Variants in ABCC1 observed in about 807,000 individuals in gnomAD.
ABCC1 encodes the protein ATP binding cassette subfamily C member 1 (ABCC1 blood group).
Under a neutral mutation model 172.9 loss-of-function variants are expected in ABCC1, and 83 were observed. The ratio of observed to expected loss-of-function variants is 0.48; its 90% CI spans 0.40 to 0.58. The LOEUF is 0.58. ABCC1 is among the 20% of genes least tolerant of loss of function. The pLI is 0.00. For missense variants in ABCC1, 1,817 were observed against 2,002.7 expected (o/e 0.91, Z 1.77); for synonymous variants, 937 against 825.2 (o/e 1.14, Z -2.32).
At chr16:15,976,497 GCAGT>G (rs2046494494) in intron 1 of ABCC1, among the ~76,000 whole-genome samples, 1 of 152,078 alleles carries the variant, frequency 6.6e-6, no homozygotes, top group African/African-American at 2.4e-5. Flanking sequence ...TGAAACCCAG[GCAGT>G]CTGTCTCCAG....
At chr16:16,106,249 A>G (rs2052095014) in intron 20 of ABCC1, among the ~76,000 whole-genome samples, 1 of 152,082 alleles carries the variant, frequency 6.6e-6, no homozygotes, top group African/African-American at 2.4e-5. Context: ...TGCCCACCAC[A>G]TTTGTAAAAC....
At chr16:16,076,517 C>A (rs1026646571) in intron 15 of ABCC1, 116 bp downstream of exon 15, 4 of 1,031,364 alleles carry the variant, frequency 3.9e-6, no homozygotes, top group African/African-American at 3.3e-5. Flanking sequence ...ACTCACTTTG[C>A]CTTTCTAAGA....
intron 1 of ABCC1, among the ~76,000 whole-genome samples, chr16:15,962,098 C>T (rs777649988): frequency 6.6e-6 from 1 of 152,160 alleles, no homozygotes; most frequent in African/African-American, 2.4e-5. Context: ...CCTGCCATAT[C>T]AGAAAAATTG....
intron 1 of ABCC1, among the ~76,000 whole-genome samples, chr16:15,979,771 A>C (rs1465904259): frequency 6.6e-6 from 1 of 152,102 alleles, no homozygotes. Flanking sequence ...AAGTGACTGT[A>C]GTCAACATTA....
chr16:16,001,896 A>G (rs926409918), intron 1 of ABCC1, among the ~76,000 whole-genome samples: 1 of 152,018 alleles, frequency 6.6e-6, no homozygotes, highest in African/African-American at 2.4e-5. Context: ...AAGTTTATAT[A>G]TATGTGAGAC....
intron 19 of ABCC1, among the ~76,000 whole-genome samples, chr16:16,098,448 G>A (rs991488278): frequency 6.6e-6 from 1 of 152,186 alleles, no homozygotes; most frequent in African/African-American, 2.4e-5. Context: ...GCAAAACCCC[G>A]TCTCTACTAA....
chr16:16,092,045 C>G (rs1002875392), intron 19 of ABCC1, among the ~76,000 whole-genome samples: 1 of 152,160 alleles, frequency 6.6e-6, no homozygotes, highest in African/African-American at 2.4e-5. Context: ...GGAGACCAGC[C>G]TGGCCAACAT....
intron 3 of ABCC1, among the ~76,000 whole-genome samples, chr16:16,011,655 T>G (rs1472193202): frequency 6.6e-6 from 1 of 151,876 alleles, no homozygotes; most frequent in Non-Finnish European, 1.5e-5. Context: ...CTACATTTAT[T>G]TTTTATTTAT....
chr16:16,005,852 G>T (rs951094781), intron 1 of ABCC1, among the ~76,000 whole-genome samples: 1 of 152,054 alleles, frequency 6.6e-6, no homozygotes. Flanking sequence ...TATTTAGGAG[G>T]TTGAGGCAGG....
At chr16:15,999,835 TC>T (rs1420296281) in intron 1 of ABCC1, among the ~76,000 whole-genome samples, 13 of 46,630 alleles carry the variant, frequency 2.8e-4, no homozygotes, top group African/African-American at 6.7e-4. Flanking sequence ...TCTCTCTCTG[TC>T]TCTTTCTTTC....
At chr16:16,062,406 G>T (rs2049956366) in intron 12 of ABCC1, among the ~76,000 whole-genome samples, 1 of 152,008 alleles carries the variant, frequency 6.6e-6, no homozygotes, top group Non-Finnish European at 1.5e-5. Flanking sequence ...GAGTACAGTG[G>T]CTTGATCACA....
intron 19 of ABCC1, among the ~76,000 whole-genome samples, chr16:16,100,902 G>C (rs1038889910): frequency 6.6e-6 from 1 of 152,198 alleles, no homozygotes; most frequent in African/African-American, 2.4e-5. Flanking sequence ...ACATATCACA[G>C]TTCCTGGAGC....
chr16:16,105,289 C>G (rs571940669), intron 20 of ABCC1: 1 of 152,318 alleles, frequency 6.6e-6, no homozygotes, highest in Non-Finnish European at 1.5e-5. Context: ...GTGTGAAGTC[C>G]TAGGTCATGA....
upstream of ABCC1, chr16:15,949,611 G>GCGCCGCCGCCGCAGCCGCCGC: frequency 6.1e-6 from 1 of 162,752 alleles, no homozygotes; most frequent in South Asian, 1.8e-4. Context: ...CCGGCTCCCT[G>GCGCCGCCGCCGCAGCCGCCGC]CGCCGCCGCC....
rs1023310563 is a variant in ABCC1, at chr16:16,086,824, G to A, written c.2293G>A (p.Gly765Ser). The change falls in exon 18 of 31, where the codon GGC becomes AGC. Residue 765 changes from glycine to serine, a missense_variant and splice_region_variant. Around this residue, in one of 3 missense-constraint regions of ABCC1, gnomAD observed 1,412 missense variants for 1,600.3 expected, o/e 0.88. Transcript: ENST00000399410. ...CACTCCTGTGTGTGTCTCTCCCCAGGGCGTGAACCTGTCTGGGGGCCAGAA... is the reference window on the plus strand; with the variant it reads ...CACTCCTGTGTGTGTCTCTCCCCAGAGCGTGAACCTGTCTGGGGGCCAGAA... ...SGDRTEIGEK[G>S]VNLSGGQKQR... The A allele has an allele frequency of 6.2e-7, 1 of 1,613,524 alleles. No individual in the cohort carries two copies. Among genetic ancestry groups the A allele is most frequent in the Non-Finnish European group, 8.5e-7 (1 of 1,179,972 alleles).
chr16:16,117,430 A>G (rs1413062134), intron 23 of ABCC1, among the ~76,000 whole-genome samples: 3 of 152,138 alleles, frequency 2.0e-5, no homozygotes, highest in Non-Finnish European at 4.4e-5. Context: ...GGGAACTACA[A>G]TTCAAGATGA....
chr16:15,987,386 G>A (rs1440468759), intron 1 of ABCC1, among the ~76,000 whole-genome samples: 1 of 152,186 alleles, frequency 6.6e-6, no homozygotes, highest in East Asian at 1.9e-4. Context: ...TGCCTGACGA[G>A]GGGTGTGTTG....
At chr16:15,963,045 A>G (rs28844882) in intron 1 of ABCC1, among the ~76,000 whole-genome samples, 3,154 of 152,374 alleles carry the variant, frequency 0.021, 84 homozygotes, top group African/African-American at 0.063. Context: ...TCCTAGATAC[A>G]ATGGGGGTAC....
At chr16:16,049,758 G>A (rs184811900) in intron 10 of ABCC1, among the ~76,000 whole-genome samples, 47 of 152,074 alleles carry the variant, frequency 3.1e-4, no homozygotes, top group African/African-American at 1.1e-3. Flanking sequence ...ATCTTGGCTC[G>A]CTGCAACCTC....
Sources: gnomAD v4.1 joint callset for allele counts (sites outside exome capture counted in the v4.1 genomes callset) on GRCh38, gnomAD v4.1.1 for gene constraint, gnomAD v4.1.1 regional missense constraint, MANE v1.5 for transcripts, NCBI Gene and HGNC (gene_info 2026-07-23, HGNC 2026-07-21) for gene names.